Variants in SCARA3 observed in about 807,000 individuals in gnomAD.
SCARA3 encodes the protein cellular stress response gene protein.
SCARA3 carries 39 observed loss-of-function variants against 47.0 expected under a neutral mutation model. That is an observed-to-expected ratio of 0.83 (90% CI 0.64 to 1.08). The LOEUF (loss-of-function observed/expected upper bound fraction) is 1.08. SCARA3 is among the 50% of genes least tolerant of loss of function. SCARA3 has a pLI of 0.00. For synonymous variants in SCARA3, 356 were observed against 334.1 expected, an observed-to-expected ratio of 1.07 and a Z score of -0.71; for missense variants, 724 against 792.3, an observed-to-expected ratio of 0.91 and a Z score of 1.04.
chr8:27,731,641 CAAAAAA>C, the SCARA3 span, among the ~76,000 whole-genome samples: 2 of 100,046 alleles, frequency 2.0e-5, no homozygotes, highest in Admixed American at 1.1e-4. Flanking sequence ...GACTCTGTCT[CAAAAAA>C]AAAAAAAAAA....
At chr8:27,698,189 C>A in the SCARA3 span, among the ~76,000 whole-genome samples, 1 of 152,136 alleles carries the variant, frequency 6.6e-6, no homozygotes, top group African/African-American at 2.4e-5. Context: ...TTTATATTAA[C>A]AGGAAACAGA....
intron 5 of SCARA3, 75 bp from the exon 6 acceptor site, chr8:27,670,825 C>A: frequency 7.7e-7 from 1 of 1,294,040 alleles, no homozygotes; most frequent in African/African-American, 1.5e-5. Context: ...TCGCCGTGCC[C>A]GCTCTGCTCA....
chr8:27,656,949 T>C, intron 4 of SCARA3, 69 bp downstream of exon 4: 1 of 984,926 alleles, frequency 1.0e-6, no homozygotes, highest in Admixed American at 1.7e-5. Context: ...CTCCCCACGC[T>C]ACAGTGCCCC....
chr8:27,652,197 G>A (rs1334218965), intron 3 of SCARA3, among the ~76,000 whole-genome samples: 2 of 152,238 alleles, frequency 1.3e-5, no homozygotes, highest in Non-Finnish European at 2.9e-5. Flanking sequence ...GGTCCTGCAG[G>A]TGAGACCCAG....
the SCARA3 span, among the ~76,000 whole-genome samples, chr8:27,726,588 G>A: frequency 3.1e-4 from 47 of 151,828 alleles, no homozygotes; most frequent in Middle Eastern, 6.8e-3. Context: ...TAATCCCAGC[G>A]ACTTGGGAGA....
chr8:27,706,992 A>G, the SCARA3 span, among the ~76,000 whole-genome samples: 160 of 152,324 alleles, frequency 1.1e-3, no homozygotes, highest in African/African-American at 3.5e-3. Context: ...CCTACTCCTT[A>G]GGCAAGAGAC....
At chr8:27,649,246 C>G (rs975403115) in intron 1 of SCARA3, among the ~76,000 whole-genome samples, 1 of 152,198 alleles carries the variant, frequency 6.6e-6, no homozygotes, top group African/African-American at 2.4e-5. Flanking sequence ...CTCTGGCCTC[C>G]TCCTGGCTAT....
At chr8:27,699,499 C>A in the SCARA3 span, among the ~76,000 whole-genome samples, 1 of 152,048 alleles carries the variant, frequency 6.6e-6, no homozygotes, top group Non-Finnish European at 1.5e-5. Flanking sequence ...GCCACTGTGC[C>A]AGGCCTCGGC....
At chr8:27,704,523 A>C in the SCARA3 span, among the ~76,000 whole-genome samples, 40 of 152,212 alleles carry the variant, frequency 2.6e-4, no homozygotes, top group Non-Finnish European at 4.1e-4. Flanking sequence ...CCTGGATCTC[A>C]GTGCTGCCTC....
chr8:27,721,396 T>C, the SCARA3 span, among the ~76,000 whole-genome samples: 1 of 152,196 alleles, frequency 6.6e-6, no homozygotes, highest in Non-Finnish European at 1.5e-5. Context: ...TCAGGTCTTA[T>C]GGAACTTATT....
rs769510474 is a variant in SCARA3 at position 27,649,737 on chromosome 8, G to A, written c.43G>A (p.Val15Ile). The change falls in exon 2 of 6, where the codon GTT becomes ATT. Residue 15 changes from valine (V) to isoleucine (I), a missense_variant. By Grantham distance (29) the Val-to-Ile change is conservative (BLOSUM62 3). Transcript: ENST00000301904. Reference sequence around the variant, plus strand: ...CGGCGGCGATGGAGATGCCTTGTGCGTTACAGAAGAGGACCTGGCGGGTGA... The same window carrying A: ...CGGCGGCGATGGAGATGCCTTGTGCATTACAGAAGAGGACCTGGCGGGTGA... ...SAGGDGDALC[V>I]TEEDLAGDDE... 1.3e-5 allele frequency: 21 copies of A among 1,614,052 alleles called. No individual in the cohort carries two copies. The highest frequency in any genetic ancestry group is 4.0e-5 in the African/African-American group (3 of 74,936).
In SCARA3 at chr8:27,671,871, C is replaced by T; in HGVS notation, c.*520C>T. The T allele has an allele frequency of 3.0e-6, 3 of 985,526 alleles. No individual in the cohort carries two copies. Among genetic ancestry groups the T allele is most frequent in the Non-Finnish European group, 3.6e-6 (3 of 829,980 alleles). The allele number at this position is 985,526 out of a possible 1,614,324, so 61.0% of individuals were successfully genotyped here. On this transcript the variant is annotated 3_prime_UTR_variant, in exon 6 of 6. Transcript: ENST00000301904. ...GGCCAGGTGGGCCAACTGGGTTTCC[C>T]TGGCTGGGCAGGAGGAGAGGGCAGA...
At chr8:27,729,202 CT>C in the SCARA3 span, among the ~76,000 whole-genome samples, 3 of 152,152 alleles carry the variant, frequency 2.0e-5, no homozygotes, top group Non-Finnish European at 4.4e-5. Context: ...AAGCAACTTC[CT>C]TTTTTCGGTC....
chr8:27,636,110 G>C (rs1801244258), intron 1 of SCARA3, among the ~76,000 whole-genome samples: 1 of 152,342 alleles, frequency 6.6e-6, no homozygotes, highest in South Asian at 2.1e-4. Context: ...GCTCCTCACT[G>C]AGACACCTTT....
At chr8:27,701,976 G>A in the SCARA3 span, 2 of 152,294 alleles carry the variant, frequency 1.3e-5, no homozygotes, top group Admixed American at 1.3e-4. Flanking sequence ...AGCATTCCCA[G>A]GCTTAGCCCC....
At chr8:27,692,908 TG>T in the SCARA3 span, among the ~76,000 whole-genome samples, 1 of 152,192 alleles carries the variant, frequency 6.6e-6, no homozygotes, top group South Asian at 2.1e-4. Context: ...GTGCATCACT[TG>T]AGGCCAGGAG....
chr8:27,655,583 T>G (rs780202038), intron 3 of SCARA3, among the ~76,000 whole-genome samples: 2 of 152,186 alleles, frequency 1.3e-5, no homozygotes, highest in Non-Finnish European at 2.9e-5. Context: ...TCAAAAATGT[T>G]AATACCCTAG....
In SCARA3 at chr8:27,670,887, T is replaced by C; in HGVS notation, c.1370-13T>C. 1 of 1,515,154 alleles carries C rather than the reference T, an allele frequency of 6.6e-7. No homozygotes were observed. Among genetic ancestry groups the C allele is most frequent in the Non-Finnish European group, 8.8e-7 (1 of 1,133,946 alleles). The allele number at this position is 1,515,154 out of a possible 1,614,324, so 93.9% of individuals were successfully genotyped here. ...TGACAGACTGACCTCTCCCATCTTC[T>C]CTCCAACCTCAGGTGCCCCCGGCCC... On this transcript the variant is annotated splice_polypyrimidine_tract_variant and intron_variant, in intron 5 of 5. Coordinates refer to ENST00000301904, the MANE Select transcript of SCARA3 (RefSeq NM_016240.3).
At chr8:27,668,825 G>A (rs1802078614) in intron 5 of SCARA3, among the ~76,000 whole-genome samples, 1 of 152,206 alleles carries the variant, frequency 6.6e-6, no homozygotes, top group Non-Finnish European at 1.5e-5. Context: ...AACAGAGGAA[G>A]ACCCTGTCTC....
Sources: gnomAD v4.1 joint callset for allele counts (sites outside exome capture counted in the v4.1 genomes callset) on GRCh38, gnomAD v4.1.1 for gene constraint, MANE v1.5 for transcripts, NCBI Gene and HGNC (gene_info 2026-07-23, HGNC 2026-07-21) for gene names.